The following IL21R variants were observed in gnomAD, a reference collection of about 807,000 sequenced individuals.
IL21R encodes interleukin 21 receptor, also known as interleukin-21 receptor.
In IL21R, 14 loss-of-function variants were observed where a neutral mutation model predicts 41.3. That is an observed-to-expected ratio of 0.34 (90% confidence interval 0.22 to 0.53). The LOEUF is 0.53. Among genes scored for constraint, IL21R ranks in the 20% least tolerant of loss-of-function variants. IL21R has a pLI of 0.94. For missense variants in IL21R, 588 were observed against 681.6 expected, an observed-to-expected ratio of 0.86 and a Z score of 1.53; for synonymous variants, 286 against 287.6, an observed-to-expected ratio of 0.99 and a Z score of 0.05.
chr16:27,423,302 C>G (rs552924352), intron 1 of IL21R, among the ~76,000 whole-genome samples: 3 of 152,062 alleles, frequency 2.0e-5, no homozygotes, highest in African/African-American at 7.2e-5. Context: ...TCATTATAGC[C>G]AGAAGTGGAA....
At chr16:27,410,535 C>T (rs1433948195) in intron 1 of IL21R, among the ~76,000 whole-genome samples, 1 of 152,144 alleles carries the variant, frequency 6.6e-6, no homozygotes, top group Non-Finnish European at 1.5e-5. Flanking sequence ...AGCTATCAAA[C>T]CCAGCCCACT....
At chr16:27,447,545 G>A (rs967959289) in intron 8 of IL21R, 1 of 152,214 alleles carries the variant, frequency 6.6e-6, no homozygotes, top group Non-Finnish European at 1.5e-5. Context: ...TGGCAGGGGA[G>A]GGAAGGGGAG....
In IL21R at chr16:27,432,107, C is replaced by T. The variant is rs142749716; in HGVS notation, c.49+1987C>T. On this transcript the variant is annotated intron_variant, in intron 2 of 8. Coordinates refer to ENST00000337929, the MANE Select transcript of IL21R (RefSeq NM_181078.3). The stretch of plus-strand genomic sequence containing the variant: ...TCTGCCCCCATGACTTAATCATCTC[C>T]TAGAGTCCCCACCTTTTAATATGAT... Among the ~76,000 whole-genome samples the T allele has an allele frequency of 1.3e-4, 20 of 152,328 alleles. 1 individual carries two copies. The East Asian group carries it at 3.1e-3, about 24-fold the overall frequency.
chr16:27,433,281 A>G (rs2087206370), intron 2 of IL21R, among the ~76,000 whole-genome samples: 1 of 152,202 alleles, frequency 6.6e-6, no homozygotes, highest in Non-Finnish European at 1.5e-5. Context: ...AGCCTGGGCA[A>G]CATGGTGAAA....
At chr16:27,416,985 TG>T (rs1342857354) in intron 1 of IL21R, among the ~76,000 whole-genome samples, 2 of 152,196 alleles carry the variant, frequency 1.3e-5, no homozygotes, top group African/African-American at 4.8e-5. Context: ...AACATTCTAC[TG>T]CATGGATATA....
chr16:27,408,255 G>A (rs2086777457), intron 1 of IL21R, among the ~76,000 whole-genome samples: 1 of 152,202 alleles, frequency 6.6e-6, no homozygotes, highest in African/African-American at 2.4e-5. Flanking sequence ...GGATTTTGAA[G>A]ACTGAGTAGG....
chr16:27,434,049 C>T (rs760284976), intron 2 of IL21R, among the ~76,000 whole-genome samples: 5 of 152,196 alleles, frequency 3.3e-5, no homozygotes, highest in East Asian at 3.9e-4. Flanking sequence ...GGTGGCCGGG[C>T]GCAGGGCTCT....
rs2087470609 is a variant in IL21R at position 27,446,011 on chromosome 16, T to C, written c.790T>C (p.Trp264Arg). ...CACCCCTCTCTGCCCCCTCAGGCTA[T>C]GGAAGAAGATATGGGCCGTCCCCAG... ...SLKTHPLWRL[W>R]KKIWAVPSPE... is the part of the protein sequence containing the mutation. The change falls in exon 8 of 9, where the codon TGG becomes CGG. Residue 264 changes from tryptophan (W) to arginine (R), a missense_variant. By Grantham distance (101) the Trp-to-Arg change is moderately radical. Coordinates refer to ENST00000337929, the MANE Select transcript of IL21R (RefSeq NM_181078.3). 6.2e-7 allele frequency: 1 copy of C among 1,612,484 alleles called. No individual in the cohort carries two copies. Among genetic ancestry groups the C allele is most frequent in the Non-Finnish European group, 8.5e-7 (1 of 1,179,190 alleles).
intron 4 of IL21R, 94 bp from the exon 5 acceptor site, chr16:27,442,868 G>A: frequency 8.4e-7 from 1 of 1,185,156 alleles, no homozygotes; most frequent in Non-Finnish European, 1.2e-6. Flanking sequence ...TGGAGGCAGG[G>A]GTGGGGGCAG....
In IL21R at chr16:27,411,972, TG is replaced by T. The variant is rs532260418; in HGVS notation, c.-17+9355del. Among the ~76,000 whole-genome samples the T allele has an allele frequency of 1.1e-4, 16 of 152,368 alleles. No homozygotes were observed. The South Asian group carries it at 1.9e-3, about 18-fold the overall frequency. ...CTCATATGTCTATTTTTACTTTTGT[TG>T]CCTGTGCTTTTGTTATCACACACAA... On this transcript the variant is annotated intron_variant, in intron 1 of 8. Coordinates refer to ENST00000337929, the MANE Select transcript of IL21R (RefSeq NM_181078.3).
At chr16:27,403,281 A>G (rs935528675) in intron 1 of IL21R, 1 of 1,309,152 alleles carries the variant, frequency 7.6e-7, no homozygotes, top group Non-Finnish European at 1.0e-6. Flanking sequence ...AGGTCAGTGG[A>G]GGCTGAGCCT....
chr16:27,439,406 CACATAT>C (rs1168860702), intron 4 of IL21R, among the ~76,000 whole-genome samples: 1 of 151,838 alleles, frequency 6.6e-6, no homozygotes, highest in African/African-American at 2.4e-5. Flanking sequence ...CACACACTCA[CACATAT>C]ACTCTCACAT....
intron 3 of IL21R, among the ~76,000 whole-genome samples, chr16:27,435,268 A>T (rs1047088324): frequency 1.3e-5 from 2 of 151,926 alleles, no homozygotes; most frequent in African/African-American, 4.8e-5. Context: ...AACAAAACAA[A>T]ACAAAACAAA....
intron 1 of IL21R, among the ~76,000 whole-genome samples, chr16:27,427,019 G>C (rs934408700): frequency 1.4e-4 from 22 of 152,100 alleles, no homozygotes; most frequent in African/African-American, 5.1e-4. Flanking sequence ...TTTTCAAGGA[G>C]GCTGTCTCTA....
chr16:27,440,248 T>TATATATATATATAGAGAGAGAGAG (rs1352160946), intron 4 of IL21R, among the ~76,000 whole-genome samples: 2 of 64,044 alleles, frequency 3.1e-5, no homozygotes, highest in African/African-American at 1.8e-4. Flanking sequence ...TATATATATA[T>TATATATATATATAGAGAGAGAGAG]AGAGAGAGAG....
chr16:27,440,277 AGAGCGAGCAAGC>A (rs1445783701), intron 4 of IL21R, among the ~76,000 whole-genome samples: 8 of 136,692 alleles, frequency 5.9e-5, no homozygotes, highest in Admixed American at 1.4e-4. Flanking sequence ...AGAGAGAGAG[AGAGCGAGCAAGC>A]GCGCGCCAGG....
intron 5 of IL21R, chr16:27,443,979 G>A (rs1421977957): frequency 6.6e-6 from 1 of 152,128 alleles, no homozygotes; most frequent in East Asian, 2.0e-4. Flanking sequence ...AGTCCCAGCT[G>A]AAGATGTCCA....
chr16:27,426,941 T>C (rs1405329930), intron 1 of IL21R, among the ~76,000 whole-genome samples: 2 of 152,128 alleles, frequency 1.3e-5, no homozygotes, highest in African/African-American at 2.4e-5. Context: ...ACATCAGATA[T>C]GGCTGGATCC....
chr16:27,422,784 G>A (rs1003175224), intron 1 of IL21R, among the ~76,000 whole-genome samples: 2 of 152,040 alleles, frequency 1.3e-5, no homozygotes, highest in African/African-American at 4.8e-5. Flanking sequence ...CTGCTTGTTG[G>A]TTTACCTTGT....
Sources: allele counts gnomAD v4.1 joint callset (sites outside exome capture counted in the v4.1 genomes callset), GRCh38; gene constraint gnomAD v4.1.1; transcripts MANE v1.5; gene names NCBI Gene and HGNC (gene_info 2026-07-23, HGNC 2026-07-21).